The following NUP214 variants were observed in gnomAD, a reference collection of about 807,000 sequenced individuals.
NUP214 encodes nuclear pore complex protein Nup214.
In NUP214, 79 loss-of-function variants were observed where a neutral mutation model predicts 196.2. That is an observed-to-expected ratio of 0.40 (90% CI 0.34 to 0.49). The LOEUF is 0.49. Ranked by LOEUF, NUP214 falls within the 20% of genes least tolerant of loss-of-function variation. The pLI, the probability that NUP214 is intolerant of heterozygous loss-of-function variation, is 0.58. For missense variants in NUP214, 2,468 were observed against 2,539.0 expected (o/e 0.97, Z 0.60); for synonymous variants, 1,020 against 990.5 (o/e 1.03, Z -0.56).
At chr9:131,217,683 T>C (rs1834442588) in intron 31 of NUP214, among the ~76,000 whole-genome samples, 1 of 152,232 alleles carries the variant, frequency 6.6e-6, no homozygotes, top group South Asian at 2.1e-4. Context: ...AATAACATGC[T>C]CCACTGCAGT....
At chr9:131,148,354 T>C (rs1832145257) in intron 14 of NUP214, among the ~76,000 whole-genome samples, 1 of 152,256 alleles carries the variant, frequency 6.6e-6, no homozygotes, top group South Asian at 2.1e-4. Flanking sequence ...TACAACTATT[T>C]GTTCCACTCT....
chr9:131,197,074 A>C, intron 28 of NUP214, 142 bp from the exon 29 acceptor site: 1 of 1,133,036 alleles, frequency 8.8e-7, no homozygotes, highest in Non-Finnish European at 1.2e-6. Flanking sequence ...CCACCTCCTT[A>C]GAGAAAGCTG....
At position 131,232,879 on chromosome 9, in the gene NUP214, T is replaced by A. The variant is rs1834916594; in HGVS notation, c.6239+571T>A. On this transcript the variant is annotated intron_variant, in intron 35 of 35. Coordinates refer to ENST00000359428, the MANE Select transcript of NUP214 (RefSeq NM_005085.4). This position sits in a 1 kb window ranked among gnomAD's most constrained non-coding sequence, Gnocchi z 5.1. The stretch of plus-strand genomic sequence containing the variant: ...AAAAAAATTAGCCGTGCATGCTGGC[T>A]TATGCCTGTGGTCCCAGCTACTCCA... The A allele has an allele frequency of 6.3e-6, 1 of 158,308 alleles. No homozygotes were observed. Among genetic ancestry groups the A allele is most frequent in the African/African-American group, 2.4e-5 (1 of 40,952 alleles). The allele number at this position is 158,308 out of a possible 1,614,324, so 9.8% of individuals were successfully genotyped here.
chr9:131,161,496 A>G (rs1303856936), intron 18 of NUP214, among the ~76,000 whole-genome samples: 2 of 152,030 alleles, frequency 1.3e-5, no homozygotes, highest in African/African-American at 4.8e-5. Context: ...TGACCTCGTG[A>G]TCCACCCACC....
rs1454906654 is a variant in NUP214, at chr9:131,164,862, A to C, written c.2893+718A>C. ...AGAAAAATTTGTGACAATTTTAGGC[A>C]TAACTGCTTTGTTTTAGTATCCATA... On this transcript the variant is annotated intron_variant, in intron 21 of 35. Coordinates refer to ENST00000359428, the MANE Select transcript of NUP214 (RefSeq NM_005085.4). Among the ~76,000 whole-genome samples the C allele has an allele frequency of 2.0e-5, 3 of 152,264 alleles. No homozygotes were observed. In the South Asian group the frequency reaches 6.2e-4, roughly 31 times the overall value.
At chr9:131,223,603 A>G (rs1306912887) in intron 32 of NUP214, among the ~76,000 whole-genome samples, 7 of 151,676 alleles carry the variant, frequency 4.6e-5, no homozygotes, top group African/African-American at 7.3e-5. Context: ...ATCCTGAGTC[A>G]TGGATTTGTT....
rs1045281801 is a variant in NUP214 at position 131,146,668 on chromosome 9, G to A, written c.1945+364G>A. Among the ~76,000 whole-genome samples the A allele has an allele frequency of 3.9e-5, 6 of 152,138 alleles. No individual in the cohort carries two copies. Among genetic ancestry groups the A allele is most frequent in the South Asian group, 2.1e-4 (1 of 4,832 alleles). ...TGTTTGGCGGGGTGCGGTGGCTCAC[G>A]CCTATAAACCCAGCACTTTGGGAGG... On this transcript the variant is annotated intron_variant, in intron 13 of 35. Coordinates refer to ENST00000359428, the MANE Select transcript of NUP214 (RefSeq NM_005085.4). This position sits in a 1 kb window ranked among gnomAD's most constrained non-coding sequence, Gnocchi z 4.6.
intron 12 of NUP214, among the ~76,000 whole-genome samples, chr9:131,145,835 A>G (rs940834540): frequency 6.6e-6 from 1 of 152,220 alleles, no homozygotes; most frequent in South Asian, 2.1e-4. Flanking sequence ...GCTGGAAACA[A>G]TAGTATTTCA....
intron 24 of NUP214, chr9:131,187,053 T>C (rs1833467878): frequency 2.1e-6 from 1 of 477,298 alleles, no homozygotes; most frequent in African/African-American, 2.0e-5. Context: ...TTCTTTGGAT[T>C]GCAGAAAGGA....
intron 14 of NUP214, 140 bp downstream of exon 14, chr9:131,147,724 G>C: frequency 1.5e-6 from 1 of 665,548 alleles, no homozygotes; most frequent in Non-Finnish European, 2.6e-6. Context: ...AAATACCAAA[G>C]TGCGAGGTTT....
At chr9:131,171,547 C>CTTTTT (rs11334591) in intron 21 of NUP214, among the ~76,000 whole-genome samples, 1 of 127,346 alleles carries the variant, frequency 7.9e-6, no homozygotes, top group African/African-American at 3.0e-5. Flanking sequence ...GGAAGATTTT[C>CTTTTT]TTTTTTTTTT....
intron 31 of NUP214, among the ~76,000 whole-genome samples, chr9:131,216,417 C>G (rs1437221405): frequency 6.7e-6 from 1 of 149,418 alleles, no homozygotes; most frequent in Non-Finnish European, 1.5e-5. Flanking sequence ...TTAGTAGAGA[C>G]GGGGTTTCAC....
intron 26 of NUP214, chr9:131,191,440 C>G (rs564880320): frequency 6.6e-6 from 1 of 152,228 alleles, no homozygotes; most frequent in Non-Finnish European, 1.5e-5. Flanking sequence ...TGCACTCCAG[C>G]CTGGGCGACA....
chr9:131,189,389 A>C (rs1833541145), intron 26 of NUP214, among the ~76,000 whole-genome samples: 1 of 152,224 alleles, frequency 6.6e-6, no homozygotes, highest in African/African-American at 2.4e-5. Context: ...AAAATGATAG[A>C]GCAATAGGAG....
intron 3 of NUP214, 73 bp downstream of exon 3, chr9:131,128,556 GAAGC>G: frequency 7.4e-7 from 1 of 1,354,284 alleles, no homozygotes; most frequent in South Asian, 1.5e-5. Context: ...TTACAACTTG[GAAGC>G]TTCATAGGTT....
chr9:131,150,645 G>A lies in NUP214; in HGVS notation c.2157G>A (p.Glu719=). 6.2e-7 allele frequency: 1 copy of A among 1,613,794 alleles called. No homozygotes were observed. Among genetic ancestry groups the A allele is most frequent in the African/African-American group, 1.3e-5 (1 of 75,034 alleles). The part of the protein sequence containing the change: ...EIAHFQKELE[E]LKARTSKACF... The stretch of plus-strand genomic sequence containing the variant: ...CACACTTTCAGAAGGAGTTGGAAGA[G>A]TTAAAAGCCCGAACTTCCAAAGCCT... Residue 719 remains glutamate, a synonymous_variant, in exon 16 of 36, where the codon GAG becomes GAA. Transcript: ENST00000359428.
Position 131,230,773 on chromosome 9 carries a change from A to G in NUP214, c.6214+4A>G, listed in dbSNP as rs773047503. 6.2e-7 allele frequency: 1 copy of G among 1,612,000 alleles called. No individual in the cohort carries two copies. The highest frequency in any genetic ancestry group is 8.5e-7 in the Non-Finnish European group (1 of 1,179,474). Reference sequence around the variant, plus strand: ...GGTTTTGGATCAGGCACAGGAGGTAAGCTGCCACAAGTTCTCCCCTCACAA... The same window carrying G: ...GGTTTTGGATCAGGCACAGGAGGTAGGCTGCCACAAGTTCTCCCCTCACAA... On this transcript the variant is annotated splice_donor_region_variant and intron_variant, in intron 34 of 35. Transcript: ENST00000359428.
At position 131,134,910 on chromosome 9, in the gene NUP214, A is replaced by G; in HGVS notation, c.844A>G (p.Lys282Glu). Residue 282 changes from lysine to glutamate, a missense_variant, in exon 8 of 36, where the codon AAG (lysine) becomes GAG (glutamate). Lys to Glu is a moderately conservative substitution (Grantham distance 56). Coordinates refer to ENST00000359428, the MANE Select transcript of NUP214 (RefSeq NM_005085.4). ...VMALLPKKEE[K>E]HPEIFVNFME... The stretch of plus-strand genomic sequence containing the variant: ...TTGTTCATTGTAGAAAAAAGAAGAA[A>G]AGCACCCAGAGATATTTGTGAACTT... 1 of 1,613,362 alleles carries G rather than the reference A, an allele frequency of 6.2e-7. No homozygotes were observed. Among genetic ancestry groups the G allele is most frequent in the Non-Finnish European group, 8.5e-7 (1 of 1,179,496 alleles).
chr9:131,130,591 A>G (rs1264401066), intron 4 of NUP214, among the ~76,000 whole-genome samples, 175 bp from the exon 5 acceptor site: 3 of 152,204 alleles, frequency 2.0e-5, no homozygotes, highest in East Asian at 3.8e-4. Flanking sequence ...TGATAAATCA[A>G]TTGGCTTATA....
Sources: gnomAD v4.1 joint callset for allele counts (sites outside exome capture counted in the v4.1 genomes callset) on GRCh38, gnomAD v4.1.1 for gene constraint, Gnocchi (gnomAD v3.1) non-coding constraint, MANE v1.5 for transcripts, NCBI Gene and HGNC (gene_info 2026-07-23, HGNC 2026-07-21) for gene names.